The following ZC3H12B variants were observed in gnomAD, a reference collection of about 807,000 sequenced individuals.
The protein encoded by ZC3H12B is zinc finger CCCH-type containing 12B.
A neutral mutation model predicts 43.9 loss-of-function variants in ZC3H12B; 7 were observed. The observed-to-expected ratio is 0.16, with a 90% CI of 0.09 to 0.30. ZC3H12B has a LOEUF of 0.30. ZC3H12B is among the 10% of genes least tolerant of loss of function. The probability of loss-of-function intolerance (pLI) is 1.00; values close to 1 mark genes in which losing one functional copy is unlikely to be tolerated. For synonymous variants in ZC3H12B, 222 were observed against 241.7 expected (o/e 0.92, Z 0.76); for missense variants, 475 against 670.2 (o/e 0.71, Z 3.22).
chrX:65,455,830 C>A lies in ZC3H12B; in HGVS notation n.408-32816C>A, dbSNP rs182164115. Reference sequence around the variant, plus strand: ...AGAGTGGGGGCCAATATTCAACATTCTTAAAGGAAAGAATTTTCAACCCAG... The same window carrying A: ...AGAGTGGGGGCCAATATTCAACATTATTAAAGGAAAGAATTTTCAACCCAG... On this transcript the variant is annotated intron_variant and non_coding_transcript_variant, in intron 3 of 5. Transcript: ENST00000617377. Among the ~76,000 whole-genome samples, 759 of 112,000 alleles carry A rather than the reference C, an allele frequency of 6.8e-3. 9 individuals are homozygous for A. Among genetic ancestry groups the A allele is most frequent in the African/African-American group, 0.023 (720 of 30,808 alleles).
chrX:65,152,495 G>A, the ZC3H12B span, among the ~76,000 whole-genome samples: 2 of 111,241 alleles, frequency 1.8e-5, no homozygotes, highest in East Asian at 5.6e-4. Context: ...TCTCTTTGAA[G>A]AGAATAAAAT....
At chrX:65,408,353 C>A in intron 3 of ZC3H12B, 1 of 1,203,316 alleles carries the variant, frequency 8.3e-7, no homozygotes, top group South Asian at 1.8e-5. Context: ...GATTTGTGCA[C>A]AAGTCATCCC....
At chrX:65,456,732 G>A (rs766183394) in intron 3 of ZC3H12B, among the ~76,000 whole-genome samples, 6 of 109,094 alleles carry the variant, frequency 5.5e-5, no homozygotes, top group Non-Finnish European at 7.7e-5. Flanking sequence ...ACAGAGTCTC[G>A]TTCACTCAGT....
intron 4 of ZC3H12B, among the ~76,000 whole-genome samples, chrX:65,501,475 G>A (rs889252187): frequency 9.1e-5 from 10 of 109,948 alleles, no homozygotes; most frequent in Non-Finnish European, 3.8e-5. Context: ...AGCTGGTCTC[G>A]AACTCCTGGG....
the ZC3H12B span, among the ~76,000 whole-genome samples, chrX:65,246,673 A>C: frequency 8.9e-6 from 1 of 112,474 alleles, no homozygotes; most frequent in East Asian, 2.8e-4. Flanking sequence ...TCCTTGTTCA[A>C]TAAATAGTGC....
intron 3 of ZC3H12B, among the ~76,000 whole-genome samples, chrX:65,424,901 T>A (rs2067062218): frequency 8.9e-6 from 1 of 112,014 alleles, no homozygotes; most frequent in South Asian, 3.7e-4. Flanking sequence ...GGTAGTGTGA[T>A]GACCCCAGCT....
intron 3 of ZC3H12B, among the ~76,000 whole-genome samples, chrX:65,399,673 C>T (rs1340585015): frequency 8.9e-6 from 1 of 112,077 alleles, no homozygotes; most frequent in Non-Finnish European, 1.9e-5. Context: ...AGCAATCCCA[C>T]TGTTAGATAT....
At chrX:65,053,951 G>A in the ZC3H12B span, among the ~76,000 whole-genome samples, 1 of 105,172 alleles carries the variant, frequency 9.5e-6, no homozygotes, top group Non-Finnish European at 2.0e-5. Context: ...TTTTTGATGG[G>A]GTTGTTTGCT....
At chrX:65,213,967 A>G in the ZC3H12B span, among the ~76,000 whole-genome samples, 1 of 110,767 alleles carries the variant, frequency 9.0e-6, no homozygotes, top group African/African-American at 3.3e-5. Context: ...TCACATGAAT[A>G]TTGTGATTTT....
chrX:65,065,564 TG>T, the ZC3H12B span, among the ~76,000 whole-genome samples: 2 of 111,722 alleles, frequency 1.8e-5, no homozygotes, highest in African/African-American at 6.5e-5. Flanking sequence ...TCTCTCTCTC[TG>T]CCCTTAACAA....
the ZC3H12B span, among the ~76,000 whole-genome samples, chrX:65,229,070 C>A: frequency 2.7e-5 from 3 of 110,169 alleles, no homozygotes; most frequent in African/African-American, 9.9e-5. Context: ...GAGCCCACAT[C>A]GCCAAGTCAA....
At chrX:65,266,401 A>G in the ZC3H12B span, among the ~76,000 whole-genome samples, 2 of 112,135 alleles carry the variant, frequency 1.8e-5, no homozygotes. Flanking sequence ...AAACAAACCT[A>G]GAAGGGGCTG....
chrX:65,259,898 G>C, the ZC3H12B span, among the ~76,000 whole-genome samples: 3 of 111,951 alleles, frequency 2.7e-5, no homozygotes, highest in Non-Finnish European at 5.6e-5. Flanking sequence ...GCCATAAAAG[G>C]AAATGAAATA....
chrX:65,322,137 G>T, the ZC3H12B span, among the ~76,000 whole-genome samples: 12 of 111,448 alleles, frequency 1.1e-4, no homozygotes, highest in East Asian at 2.5e-3. Flanking sequence ...AACTTGAAGG[G>T]GATCTGTCAT....
chrX:65,310,766 C>A, the ZC3H12B span, among the ~76,000 whole-genome samples: 4 of 111,806 alleles, frequency 3.6e-5, no homozygotes, highest in Admixed American at 2.8e-4. Flanking sequence ...GCTACAGTAA[C>A]CAAAACAGCA....
chrX:65,353,750 C>T, the ZC3H12B span, among the ~76,000 whole-genome samples: 1 of 111,460 alleles, frequency 9.0e-6, no homozygotes, highest in Non-Finnish European at 1.9e-5. Flanking sequence ...AGTCTGAAGT[C>T]GACCTGGGAC....
the ZC3H12B span, among the ~76,000 whole-genome samples, chrX:65,171,750 C>T: frequency 9.0e-6 from 1 of 110,757 alleles, no homozygotes; most frequent in Non-Finnish European, 1.9e-5. Context: ...GGTGGACGCC[C>T]CTCCCCCAGT....
At chrX:65,178,286 G>A in the ZC3H12B span, among the ~76,000 whole-genome samples, 1 of 112,209 alleles carries the variant, frequency 8.9e-6, no homozygotes, top group Non-Finnish European at 1.9e-5. Context: ...AGACCTAAAT[G>A]TAAGACGTAA....
At chrX:65,345,464 C>A in the ZC3H12B span, among the ~76,000 whole-genome samples, 1 of 111,704 alleles carries the variant, frequency 9.0e-6, no homozygotes, top group African/African-American at 3.3e-5. Context: ...CCAAATATAG[C>A]TTGTTCTCAC....
Sources: allele counts gnomAD v4.1 joint callset (sites outside exome capture counted in the v4.1 genomes callset), GRCh38; gene constraint gnomAD v4.1.1; transcripts MANE v1.5; gene names NCBI Gene and HGNC (gene_info 2026-07-23, HGNC 2026-07-21).